The following CES5A variants were observed in gnomAD, a reference collection of about 807,000 sequenced individuals.
CES5A encodes the protein carboxylesterase 5.
CES5A carries 67 observed loss-of-function variants against 62.9 expected under a neutral mutation model. The ratio of observed to expected loss-of-function variants is 1.07; its 90% CI spans 0.88 to 1.31. The LOEUF is 1.31. Ranked by LOEUF, CES5A falls within the 50% of genes most tolerant of loss-of-function variation. The pLI, the probability that CES5A is intolerant of heterozygous loss-of-function variation, is 0.00. For synonymous variants in CES5A, 296 were observed against 280.8 expected, an observed-to-expected ratio of 1.05 and a Z score of -0.54; for missense variants, 748 against 708.5, an observed-to-expected ratio of 1.06 and a Z score of -0.63.
At chr16:55,916,116 G>A (rs1248020485) in intron 1 of CES5A, among the ~76,000 whole-genome samples, 1 of 152,114 alleles carries the variant, frequency 6.6e-6, no homozygotes, top group Non-Finnish European at 1.5e-5. Context: ...TCTGGGTGGG[G>A]GCCACAGGAC....
chr16:55,900,209 C>G (rs2033976754), intron 1 of CES5A, among the ~76,000 whole-genome samples: 1 of 152,246 alleles, frequency 6.6e-6, no homozygotes, highest in African/African-American at 2.4e-5. Flanking sequence ...ATGCCCTGCC[C>G]CAGGAGAAGT....
chr16:55,865,868 C>T, intron 5 of CES5A, 95 bp downstream of exon 5: 1 of 1,397,494 alleles, frequency 7.2e-7, no homozygotes, highest in Non-Finnish European at 1.0e-6. Context: ...AGGGTTTGTT[C>T]AACATGAAGG....
intron 1 of CES5A, among the ~76,000 whole-genome samples, chr16:55,892,572 T>C (rs2033891752): frequency 6.6e-6 from 1 of 152,218 alleles, no homozygotes; most frequent in Non-Finnish European, 1.5e-5. Flanking sequence ...ATGCCTAGCT[T>C]AATACAAAAA....
chr16:55,860,745 C>A (rs1313356809), intron 7 of CES5A, among the ~76,000 whole-genome samples: 1 of 152,168 alleles, frequency 6.6e-6, no homozygotes, highest in African/African-American at 2.4e-5. Context: ...CACATCAGGT[C>A]CAGGACTTAT....
intron 2 of CES5A, among the ~76,000 whole-genome samples, chr16:55,945,554 A>T (rs1178595958): frequency 2.0e-5 from 3 of 152,220 alleles, no homozygotes; most frequent in East Asian, 3.9e-4. Flanking sequence ...TAGCTCTAGC[A>T]CTAACTGGGG....
chr16:55,947,793 A>C (rs1022494431), intron 2 of CES5A, among the ~76,000 whole-genome samples: 4 of 152,090 alleles, frequency 2.6e-5, no homozygotes, highest in African/African-American at 9.7e-5. Flanking sequence ...CAAGCTTGCC[A>C]TGGACTGGAG....
At chr16:55,900,566 A>G (rs1404568706) in intron 1 of CES5A, among the ~76,000 whole-genome samples, 1 of 152,206 alleles carries the variant, frequency 6.6e-6, no homozygotes, top group African/African-American at 2.4e-5. Context: ...TTCCAGGAAA[A>G]ATGAAATTGC....
intron 2 of CES5A, among the ~76,000 whole-genome samples, chr16:55,931,207 C>A (rs1195565111): frequency 6.6e-6 from 1 of 152,196 alleles, no homozygotes; most frequent in Non-Finnish European, 1.5e-5. Context: ...CCAAACTTCT[C>A]TACTGTAAAT....
chr16:55,863,761 C>CTT (rs35575589), intron 5 of CES5A, among the ~76,000 whole-genome samples: 2 of 141,492 alleles, frequency 1.4e-5, no homozygotes, highest in African/African-American at 2.6e-5. Flanking sequence ...CTTTTTATTT[C>CTT]TTTTTTTTTT....
At chr16:55,902,292 A>G (rs1386240392) in intron 1 of CES5A, among the ~76,000 whole-genome samples, 1 of 152,090 alleles carries the variant, frequency 6.6e-6, no homozygotes, top group African/African-American at 2.4e-5. Context: ...TTATGTGACA[A>G]CTTCTGTCCA....
chr16:55,850,533 C>G (rs2033110151), intron 10 of CES5A, among the ~76,000 whole-genome samples: 3 of 152,184 alleles, frequency 2.0e-5, no homozygotes, highest in African/African-American at 7.2e-5. Context: ...CAAGGCTCAT[C>G]TGTGTTGTAG....
intron 5 of CES5A, among the ~76,000 whole-genome samples, chr16:55,864,935 G>A (rs1468681101): frequency 1.2e-4 from 17 of 141,070 alleles, no homozygotes; most frequent in South Asian, 4.6e-4. Flanking sequence ...CACCGGACAC[G>A]GTGGCTCACG....
intron 1 of CES5A, among the ~76,000 whole-genome samples, chr16:55,917,828 A>C (rs2034163022): frequency 6.6e-6 from 1 of 152,094 alleles, no homozygotes; most frequent in Non-Finnish European, 1.5e-5. Context: ...CATACATATA[A>C]AATGAAGTAT....
intron 1 of CES5A, among the ~76,000 whole-genome samples, chr16:55,905,220 C>G (rs191118551): frequency 2.0e-5 from 3 of 152,152 alleles, no homozygotes; most frequent in Non-Finnish European, 2.9e-5. Context: ...TGCATCCAGG[C>G]TTTATCACAC....
At chr16:55,865,929 G>A in intron 5 of CES5A, 34 bp downstream of exon 5, 1 of 1,613,564 alleles carries the variant, frequency 6.2e-7, no homozygotes, top group Admixed American at 1.7e-5. Flanking sequence ...CTCCGGCACT[G>A]AGATTCATTC....
chr16:55,921,424 A>G (rs1427542819), intron 1 of CES5A, among the ~76,000 whole-genome samples: 4 of 152,066 alleles, frequency 2.6e-5, no homozygotes, highest in African/African-American at 4.8e-5. Flanking sequence ...AGACTTCTCA[A>G]TGGAAATCAT....
chr16:55,858,582 A>C (rs1206703358), intron 8 of CES5A, among the ~76,000 whole-genome samples: 3 of 152,240 alleles, frequency 2.0e-5, no homozygotes, highest in Non-Finnish European at 4.4e-5. Flanking sequence ...CCTGGAGGTC[A>C]AATTAATAAT....
intron 1 of CES5A, among the ~76,000 whole-genome samples, chr16:55,917,202 C>T (rs1354459838): frequency 6.6e-6 from 1 of 152,228 alleles, no homozygotes; most frequent in Non-Finnish European, 1.5e-5. Context: ...TAAACACTTA[C>T]TCCACCTTTG....
chr16:55,930,166 C>T (rs1336643068), upstream of CES5A, among the ~76,000 whole-genome samples: 2 of 151,968 alleles, frequency 1.3e-5, no homozygotes, highest in East Asian at 3.9e-4. Flanking sequence ...CCAAATGTTC[C>T]CTGACATCCT....
Sources: allele counts gnomAD v4.1 joint callset (sites outside exome capture counted in the v4.1 genomes callset), GRCh38; gene constraint gnomAD v4.1.1; transcripts MANE v1.5; gene names NCBI Gene and HGNC (gene_info 2026-07-23, HGNC 2026-07-21).